The following SLIT3 variants were observed in gnomAD, a reference collection of about 807,000 sequenced individuals.
The protein encoded by SLIT3 is slit guidance ligand 3, also known as slit homolog 3 protein.
SLIT3 carries 68 observed loss-of-function variants against 184.0 expected under a neutral mutation model. The ratio of observed to expected loss-of-function variants is 0.37; its 90% confidence interval spans 0.30 to 0.45. The LOEUF is 0.45. SLIT3 is among the 20% of genes least tolerant of loss of function. The probability of loss-of-function intolerance (pLI) is 1.00; values close to 1 mark genes in which losing one functional copy is unlikely to be tolerated. For missense variants in SLIT3, 1,707 were observed against 2,026.0 expected, an observed-to-expected ratio of 0.84 and a Z score of 3.02; for synonymous variants, 831 against 828.6, an observed-to-expected ratio of 1.00 and a Z score of -0.05.
intron 3 of SLIT3, among the ~76,000 whole-genome samples, chr5:169,199,643 AT>A (rs921138566): frequency 1.3e-5 from 2 of 152,146 alleles, no homozygotes; most frequent in African/African-American, 4.8e-5. Context: ...GCATCCCTAT[AT>A]TTAGGAAATA....
intron 4 of SLIT3, among the ~76,000 whole-genome samples, chr5:169,016,851 T>C (rs1756402769): frequency 6.6e-6 from 1 of 152,222 alleles, no homozygotes; most frequent in African/African-American, 2.4e-5. Flanking sequence ...AAATGCTCTA[T>C]AAATGTTATT....
At chr5:169,012,986 G>T (rs1756213433) in intron 4 of SLIT3, 1 of 152,202 alleles carries the variant, frequency 6.6e-6, no homozygotes, top group African/African-American at 2.4e-5. Context: ...GCAAAATAAT[G>T]CAGGTTAGCT....
intron 4 of SLIT3, among the ~76,000 whole-genome samples, chr5:169,020,471 T>C (rs1212952170): frequency 6.6e-6 from 1 of 152,144 alleles, no homozygotes; most frequent in East Asian, 1.9e-4. Context: ...GTAAAGGAGT[T>C]TGGGAATCTG....
At chr5:168,683,369 C>CAAAAAAAAAAA (rs59868617) in intron 32 of SLIT3, among the ~76,000 whole-genome samples, 1 of 104,808 alleles carries the variant, frequency 9.5e-6, no homozygotes, top group African/African-American at 3.3e-5. Context: ...AACTCCATCT[C>CAAAAAAAAAAA]AAAAAAAAAA....
At position 169,161,360 on chromosome 5, in the gene SLIT3, C is replaced by T. The variant is rs146648220; in HGVS notation, c.413+32119G>A. 3.9e-3 allele frequency among the ~76,000 whole-genome samples: 589 copies of T among 152,334 alleles called. 6 individuals are homozygous for T. Among genetic ancestry groups the T allele is most frequent in the African/African-American group, 0.013 (554 of 41,578 alleles). ...CTGAAACTATTTGCTCCCCTCCCAC[C>T]CTGTCCATCACTGCCCCTTCCTTGG... On this transcript the variant is annotated intron_variant, in intron 4 of 35. Coordinates refer to ENST00000519560, the MANE Select transcript of SLIT3 (RefSeq NM_003062.4).
intron 19 of SLIT3, 93 bp from the exon 20 acceptor site, chr5:168,748,527 A>C (rs1460533534): frequency 1.6e-6 from 2 of 1,261,868 alleles, no homozygotes; most frequent in Non-Finnish European, 2.1e-6. Context: ...CACAAAGACA[A>C]GTTGTCCCCT....
intron 3 of SLIT3, among the ~76,000 whole-genome samples, chr5:169,201,699 A>G (rs1373358422): frequency 1.1e-4 from 16 of 152,238 alleles, no homozygotes; most frequent in Non-Finnish European, 1.5e-5. Flanking sequence ...ATGATACCTT[A>G]GAGAACATGT....
At chr5:168,984,256 C>T (rs929706033) in intron 4 of SLIT3, among the ~76,000 whole-genome samples, 7 of 152,032 alleles carry the variant, frequency 4.6e-5, no homozygotes, top group Admixed American at 1.3e-4. Context: ...CTGGTGAGCA[C>T]GGGTAGGGGC....
chr5:168,978,869 G>A (rs1244366154), intron 4 of SLIT3, among the ~76,000 whole-genome samples: 1 of 151,470 alleles, frequency 6.6e-6, no homozygotes, highest in Non-Finnish European at 1.5e-5. Context: ...GCTTAACCCT[G>A]GGAGGGTGCT....
intron 3 of SLIT3, among the ~76,000 whole-genome samples, chr5:169,229,363 A>T (rs1764915096): frequency 6.6e-6 from 1 of 152,240 alleles, no homozygotes; most frequent in African/African-American, 2.4e-5. Context: ...TAAGGATAGT[A>T]ATATAGAAAT....
intron 6 of SLIT3, among the ~76,000 whole-genome samples, chr5:168,831,363 A>G (rs1366824328): frequency 6.6e-6 from 1 of 152,006 alleles, no homozygotes; most frequent in African/African-American, 2.4e-5. Flanking sequence ...TCTCTTTCGC[A>G]TTACCTGCTT....
chr5:168,897,416 T>TGAGA (rs138218818), intron 4 of SLIT3, among the ~76,000 whole-genome samples: 3 of 148,348 alleles, frequency 2.0e-5, no homozygotes, highest in Non-Finnish European at 4.5e-5. Flanking sequence ...GATATAAAGA[T>TGAGA]GAGAGAGAGA....
intron 6 of SLIT3, among the ~76,000 whole-genome samples, chr5:168,836,905 C>T (rs558359161): frequency 2.6e-5 from 4 of 152,182 alleles, no homozygotes; most frequent in Admixed American, 6.5e-5. Context: ...ACAAGTTTCC[C>T]GCAGATTCCA....
chr5:169,251,269 G>C (rs1337905948), intron 2 of SLIT3, 119 bp downstream of exon 2: 2 of 740,840 alleles, frequency 2.7e-6, no homozygotes, highest in Non-Finnish European at 4.9e-6. Context: ...TTCTGCTGCA[G>C]AATGGTGAAT....
chr5:169,252,723 T>C (rs1160767687), intron 1 of SLIT3, among the ~76,000 whole-genome samples: 2 of 152,190 alleles, frequency 1.3e-5, no homozygotes, highest in Non-Finnish European at 2.9e-5. Context: ...TTTCCAATGA[T>C]GAATCCCCAT....
chr5:169,042,932 A>G (rs370373541), intron 4 of SLIT3, among the ~76,000 whole-genome samples: 1 of 152,328 alleles, frequency 6.6e-6, no homozygotes, highest in East Asian at 1.9e-4. Context: ...TCCCTAATCT[A>G]GTTAATGTTT....
chr5:168,896,820 G>A (rs1217409331), intron 4 of SLIT3, among the ~76,000 whole-genome samples: 1 of 152,226 alleles, frequency 6.6e-6, no homozygotes, highest in African/African-American at 2.4e-5. Flanking sequence ...ACACTGGGAA[G>A]TGGCCCCTGC....
At chr5:168,748,555 G>C in intron 19 of SLIT3, 121 bp from the exon 20 acceptor site, 1 of 980,990 alleles carries the variant, frequency 1.0e-6, no homozygotes, top group South Asian at 2.2e-5. Context: ...CTGTGTTCTA[G>C]AACCAGGAAG....
intron 3 of SLIT3, among the ~76,000 whole-genome samples, chr5:169,200,259 A>G (rs953854624): frequency 3.9e-5 from 6 of 152,202 alleles, no homozygotes; most frequent in South Asian, 2.1e-4. Context: ...CAGCTGCCCA[A>G]TCAGGCCCGA....
Sources: gnomAD v4.1 joint callset for allele counts (sites outside exome capture counted in the v4.1 genomes callset) on GRCh38, gnomAD v4.1.1 for gene constraint, MANE v1.5 for transcripts, NCBI Gene and HGNC (gene_info 2026-07-23, HGNC 2026-07-21) for gene names.